SLC44A2: variants seen among roughly 807,000 people sequenced by gnomAD.
The protein encoded by SLC44A2 is choline transporter-like protein 2.
In SLC44A2, 57 loss-of-function variants were observed where a neutral mutation model predicts 90.8. The ratio of observed to expected loss-of-function variants is 0.63; its 90% CI spans 0.51 to 0.78. The LOEUF is 0.78. SLC44A2 is among the 30% of genes least tolerant of loss of function. The pLI, the probability that SLC44A2 is intolerant of heterozygous loss-of-function variation, is 0.00. For missense variants in SLC44A2, 794 were observed against 919.7 expected (o/e 0.86, Z 1.77); for synonymous variants, 355 against 360.7 (o/e 0.98, Z 0.18).
rs1340338300 is a variant in SLC44A2 at position 10,629,129 on chromosome 19, G to A, written c.245+1125G>A. On this transcript the variant is annotated intron_variant, in intron 4 of 21. Coordinates refer to ENST00000335757, the MANE Select transcript of SLC44A2 (RefSeq NM_020428.4). Reference sequence around the variant, plus strand: ...TGAGGCAGGAGAATTGCTTGAACCTGGGAGGCAGAGGTTGCAATGAGCCGA... The same window carrying A: ...TGAGGCAGGAGAATTGCTTGAACCTAGGAGGCAGAGGTTGCAATGAGCCGA... Among the ~76,000 whole-genome samples the A allele has an allele frequency of 2.7e-5, 4 of 150,686 alleles. No homozygotes were observed. The East Asian group carries it at 8.0e-4, about 30-fold the overall frequency.
At chr19:10,613,830 A>G (rs2066833331) in intron 1 of SLC44A2, among the ~76,000 whole-genome samples, 1 of 152,146 alleles carries the variant, frequency 6.6e-6, no homozygotes, top group Admixed American at 6.6e-5. Context: ...GGTGAAACAG[A>G]CAAGGAAACA....
intron 4 of SLC44A2, among the ~76,000 whole-genome samples, chr19:10,629,286 T>A (rs2066968116): frequency 6.7e-6 from 1 of 149,368 alleles, no homozygotes; most frequent in Non-Finnish European, 1.5e-5. Flanking sequence ...TTATTACTAT[T>A]ATTATTTTGA....
intron 1 of SLC44A2, among the ~76,000 whole-genome samples, chr19:10,613,208 C>T (rs996699951): frequency 1.3e-5 from 2 of 151,838 alleles, no homozygotes; most frequent in Non-Finnish European, 2.9e-5. Context: ...CAGGCATGCA[C>T]CACCACACCC....
intron 2 of SLC44A2, 123 bp from the exon 3 acceptor site, chr19:10,627,599 A>AAATT: frequency 2.2e-6 from 2 of 926,458 alleles, no homozygotes; most frequent in East Asian, 2.4e-5. Context: ...TTGGTACGGC[A>AAATT]TTCAAACGAC....
At position 10,643,632 on chromosome 19, in the gene SLC44A2, G is replaced by A. The variant is rs1234001588; in HGVS notation, c.*247G>A. 2.8e-6 allele frequency: 1 copy of A among 359,386 alleles called. No homozygotes were observed. Among genetic ancestry groups the A allele is most frequent in the African/African-American group, 2.1e-5 (1 of 47,292 alleles). 22.3% of individuals were successfully genotyped at this position (359,386 alleles called of 1,614,324 possible). A position where few individuals can be genotyped will look rare whatever the true frequency, so the allele number is the denominator to read the frequency against. On this transcript the variant is annotated 3_prime_UTR_variant, in exon 22 of 22. Transcript: ENST00000335757. Reference sequence around the variant, plus strand: ...GAGAAACAAGTAAAAACCCATTGGGGCCTCTTGATGTCTGGGATGGCACGT... The same window carrying A: ...GAGAAACAAGTAAAAACCCATTGGGACCTCTTGATGTCTGGGATGGCACGT...
At chr19:10,635,930 C>T in intron 14 of SLC44A2, 2 of 264,758 alleles carry the variant, frequency 7.6e-6, no homozygotes, top group East Asian at 1.1e-4. Context: ...AGGCACACAC[C>T]AGCACACCAG....
At chr19:10,631,020 AT>A (rs751620653) in intron 4 of SLC44A2, 36 bp from the exon 5 acceptor site, 1 of 1,543,718 alleles carries the variant, frequency 6.5e-7, no homozygotes, top group South Asian at 1.1e-5. Context: ...AAAAAAAAAA[AT>A]CTTAACAGTT....
At chr19:10,631,428 C>T (rs962781789) in intron 6 of SLC44A2, 43 bp downstream of exon 6, 2 of 1,613,672 alleles carry the variant, frequency 1.2e-6, no homozygotes, top group African/African-American at 1.3e-5. Flanking sequence ...TGGGCAGTGG[C>T]AGTGTACTAG....
chr19:10,605,198 C>T (rs1316057774), intron 1 of SLC44A2, among the ~76,000 whole-genome samples: 10 of 151,910 alleles, frequency 6.6e-5, no homozygotes, highest in Non-Finnish European at 1.5e-4. Context: ...CTGGCTACCA[C>T]AGTGAAACCC....
intron 1 of SLC44A2, among the ~76,000 whole-genome samples, chr19:10,609,397 T>A (rs1454381119): frequency 6.6e-6 from 1 of 152,096 alleles, no homozygotes; most frequent in Non-Finnish European, 1.5e-5. Context: ...CCTCCTGGGT[T>A]CAAGTGATTC....
At chr19:10,626,896 G>C (rs1411171762) in intron 2 of SLC44A2, among the ~76,000 whole-genome samples, 1 of 150,996 alleles carries the variant, frequency 6.6e-6, no homozygotes, top group African/African-American at 2.4e-5. Flanking sequence ...CTACTCAGAG[G>C]CTACTCAGAA....
intron 21 of SLC44A2, chr19:10,643,058 T>A (rs776233558): frequency 6.8e-7 from 1 of 1,477,876 alleles, no homozygotes; most frequent in East Asian, 2.4e-5. Flanking sequence ...GTTTCCTCCA[T>A]GTAGACTGGG....
At chr19:10,620,801 G>A (rs186499872), upstream of SLC44A2, among the ~76,000 whole-genome samples, 19 of 152,252 alleles carry the variant, frequency 1.2e-4, no homozygotes, top group African/African-American at 4.1e-4. Context: ...AGGCCGAGGT[G>A]GGAGGAAGGC....
chr19:10,627,628 A>G (rs1488419430), intron 2 of SLC44A2, 94 bp from the exon 3 acceptor site: 10 of 1,340,988 alleles, frequency 7.5e-6, no homozygotes, highest in East Asian at 2.3e-5. Context: ...ATTTGTCCAA[A>G]TAACACATGG....
At chr19:10,617,450 A>G (rs1019030112) in intron 1 of SLC44A2, among the ~76,000 whole-genome samples, 2 of 150,732 alleles carry the variant, frequency 1.3e-5, no homozygotes, top group Non-Finnish European at 2.9e-5. Context: ...AGTGTATGCC[A>G]GGCACCTCTC....
In SLC44A2 at chr19:10,634,773, A is replaced by G. The variant is rs909462510; in HGVS notation, c.841A>G (p.Met281Val). The change falls in exon 11 of 22, where the codon ATG (methionine) becomes GTG (valine). Residue 281 changes from methionine to valine, a missense_variant. Around this residue, in one of 3 missense-constraint regions of SLC44A2, gnomAD observed 738 missense variants for 841.1 expected, o/e 0.88. Transcript: ENST00000335757. ...CCATGCAGGAATATTTCACTGCTAC[A>G]TGGAGTACTCCCGACTGCGTGGTGA... ...VLGYGIFHCY[M>V]EYSRLRGEAG... 1.4e-5 allele frequency: 22 copies of G among 1,614,014 alleles called. No individual in the cohort carries two copies. In the African/African-American group the frequency reaches 1.6e-4, roughly 12 times the overall value.
At chr19:10,622,695 G>A (rs1168086429), upstream of SLC44A2, among the ~76,000 whole-genome samples, 2 of 152,030 alleles carry the variant, frequency 1.3e-5, no homozygotes, top group African/African-American at 2.4e-5. Flanking sequence ...GAGGCCAGGA[G>A]TTCCAGACCA....
intron 4 of SLC44A2, 124 bp downstream of exon 4, chr19:10,628,128 A>T: frequency 1.2e-6 from 1 of 842,396 alleles, no homozygotes; most frequent in South Asian, 1.6e-5. Flanking sequence ...CTCACGCCCG[A>T]AATTCCAACA....
chr19:10,643,456 AG>A lies in SLC44A2; in HGVS notation c.*72del. 1 of 1,534,768 alleles carries A rather than the reference AG, an allele frequency of 6.5e-7. No homozygotes were observed. Among genetic ancestry groups the A allele is most frequent in the Non-Finnish European group, 8.8e-7 (1 of 1,136,122 alleles). On this transcript the variant is annotated 3_prime_UTR_variant, in exon 22 of 22. Transcript: ENST00000335757. ...GCTCAGTAGCTGGGTCTGTTCCCCC[AG>A]CCCCTTGGGCTCACCTGAAGTCCTA...
Sources: gnomAD v4.1 joint callset for allele counts (sites outside exome capture counted in the v4.1 genomes callset) on GRCh38, gnomAD v4.1.1 for gene constraint, gnomAD v4.1.1 regional missense constraint, MANE v1.5 for transcripts, NCBI Gene and HGNC (gene_info 2026-07-23, HGNC 2026-07-21) for gene names.